Variants in ARHGEF4 observed in about 807,000 individuals in gnomAD.
The protein encoded by ARHGEF4 is Rho guanine nucleotide exchange factor 4.
Under a neutral mutation model 162.0 loss-of-function variants are expected in ARHGEF4, and 119 were observed. The observed-to-expected ratio is 0.73, with a 90% CI of 0.63 to 0.86. The LOEUF (loss-of-function observed/expected upper bound fraction) is 0.86, where lower values mean the gene tolerates loss of function less well. Ranked by LOEUF, ARHGEF4 falls within the 40% of genes least tolerant of loss-of-function variation. The probability of loss-of-function intolerance (pLI) is 0.00; values close to 1 mark genes in which losing one functional copy is unlikely to be tolerated. For synonymous variants in ARHGEF4, 1,014 were observed against 979.9 expected (o/e 1.03, Z -0.65); for missense variants, 2,488 against 2,456.0 (o/e 1.01, Z -0.28).
In ARHGEF4 at chr2:131,002,709, C is replaced by CAA. The variant is rs66979991; in HGVS notation, c.3986-25205_3986-25204dup. Among the ~76,000 whole-genome samples the CAA allele has an allele frequency of 3.2e-3, 173 of 53,248 alleles. 1 individual carries two copies. The highest frequency in any genetic ancestry group is 0.014 in the East Asian group (19 of 1,386). 34.9% of individuals were successfully genotyped at this position (53,248 alleles called of 152,430 possible). ...TGGGCGACAGAGCGAGACTCCGTCT[C>CAA]AAAAAAAAAAAAAAAAAAAAAAAAA... On this transcript the variant is annotated intron_variant, in intron 4 of 13. Transcript: ENST00000409359.
chr2:130,946,794 C>A (rs902264296), intron 4 of ARHGEF4, 159 bp downstream of exon 4: 27 of 982,988 alleles, frequency 2.7e-5, no homozygotes, highest in Middle Eastern at 3.5e-4. Flanking sequence ...GGGAGGAGTG[C>A]CTACTACCCA....
chr2:130,860,664 C>G (rs1208675154), intron 1 of ARHGEF4, among the ~76,000 whole-genome samples: 3 of 118,448 alleles, frequency 2.5e-5, no homozygotes, highest in Admixed American at 9.0e-5. Flanking sequence ...GAGCCGAGAT[C>G]GCGTCACTGC....
chr2:130,975,799 C>T (rs1471134725), intron 4 of ARHGEF4, among the ~76,000 whole-genome samples: 1 of 152,176 alleles, frequency 6.6e-6, no homozygotes, highest in African/African-American at 2.4e-5. Flanking sequence ...CTCTGAGAGT[C>T]ATTGCTTGGC....
At chr2:130,990,723 C>G (rs76074581) in intron 4 of ARHGEF4, among the ~76,000 whole-genome samples, 1 of 152,084 alleles carries the variant, frequency 6.6e-6, no homozygotes. Context: ...CACTTGGGAA[C>G]AGATTGGGAC....
rs1050307461 is a variant in ARHGEF4, at chr2:130,837,357, G to A, written c.39+365G>A. 3.9e-5 allele frequency: 13 copies of A among 335,026 alleles called. No homozygotes were observed. The South Asian group carries it at 3.9e-4, about 10-fold the overall frequency. 20.8% of individuals were successfully genotyped at this position (335,026 alleles called of 1,614,324 possible). ...TGCCTGGACCGGCCTGGGCGCGCAG[G>A]GCACTCGGAGCCTCTGCCGCTTGGC... On this transcript the variant is annotated intron_variant, in intron 1 of 13. Transcript: ENST00000409359.
chr2:130,847,411 C>T lies in ARHGEF4; in HGVS notation c.39+10419C>T, dbSNP rs191074172. On this transcript the variant is annotated intron_variant, in intron 1 of 13. Transcript: ENST00000409359. ...GGAAGACAGGAGGTTTCAGTCACCA[C>T]GTTGGACTTGGAGGCACCAAAAGAT... is the stretch of plus-strand genomic sequence containing the variant. Among the ~76,000 whole-genome samples, 17 of 152,302 alleles carry T rather than the reference C, an allele frequency of 1.1e-4. 1 individual carries two copies. The East Asian group carries it at 2.1e-3, about 19-fold the overall frequency.
At chr2:131,002,150 G>A (rs982038840) in intron 4 of ARHGEF4, among the ~76,000 whole-genome samples, 5 of 152,176 alleles carry the variant, frequency 3.3e-5, no homozygotes, top group East Asian at 3.8e-4. Context: ...TAAACAAGGT[G>A]CACGCAATGC....
chr2:131,007,010 C>T (rs1005945766), intron 4 of ARHGEF4, among the ~76,000 whole-genome samples: 27 of 152,162 alleles, frequency 1.8e-4, no homozygotes, highest in Admixed American at 1.2e-3. Flanking sequence ...CATACATCTT[C>T]CACCAAAATA....
intron 1 of ARHGEF4, among the ~76,000 whole-genome samples, chr2:130,868,155 G>T (rs1009483085): frequency 6.6e-6 from 1 of 151,876 alleles, no homozygotes; most frequent in Non-Finnish European, 1.5e-5. Flanking sequence ...TCGATCTCCC[G>T]ACGTCGTGAT....
intron 1 of ARHGEF4, among the ~76,000 whole-genome samples, chr2:130,874,751 T>G (rs981973024): frequency 6.6e-6 from 1 of 152,152 alleles, no homozygotes; most frequent in African/African-American, 2.4e-5. Context: ...ACAGCATTGG[T>G]CATGCCCTTC....
chr2:130,950,390 C>T (rs1306623401), intron 4 of ARHGEF4, among the ~76,000 whole-genome samples: 2 of 152,048 alleles, frequency 1.3e-5, no homozygotes, highest in Non-Finnish European at 2.9e-5. Context: ...CTCCAGAGTT[C>T]GTGCCTGTGG....
intron 5 of ARHGEF4, chr2:131,034,960 G>C (rs1456267317): frequency 1.0e-6 from 1 of 983,942 alleles, no homozygotes; most frequent in East Asian, 1.1e-4. Context: ...CCGCGCGCAC[G>C]GCGCCGGCTT....
At chr2:130,930,190 C>T (rs899378078) in intron 2 of ARHGEF4, among the ~76,000 whole-genome samples, 50 of 152,280 alleles carry the variant, frequency 3.3e-4, no homozygotes, top group African/African-American at 1.2e-3. Context: ...ACTTGAAATA[C>T]TTAAAAGAAA....
chr2:130,845,856 C>T (rs960630815), intron 1 of ARHGEF4, among the ~76,000 whole-genome samples: 6 of 152,216 alleles, frequency 3.9e-5, no homozygotes, highest in African/African-American at 7.2e-5. Context: ...GCCAGACCTA[C>T]GGTGTGATCC....
In ARHGEF4 at chr2:130,986,023, G is replaced by A. The variant is rs371736866; in HGVS notation, c.3985+39388G>A. 1.4e-4 allele frequency among the ~76,000 whole-genome samples: 21 copies of A among 151,464 alleles called. No homozygotes were observed. In the East Asian group the frequency reaches 1.5e-3, roughly 11 times the overall value. On this transcript the variant is annotated intron_variant, in intron 4 of 13. Transcript: ENST00000409359. ...TGAACATGTATGATGTGTGTTGTGC[G>A]TGCATGTTTTGTGTGTTATGTATAG...
chr2:131,020,927 C>A (rs1689084468), intron 4 of ARHGEF4, among the ~76,000 whole-genome samples: 1 of 152,164 alleles, frequency 6.6e-6, no homozygotes, highest in Non-Finnish European at 1.5e-5. Context: ...ATTTGCATTT[C>A]TCTGATGGCC....
At position 131,046,151 on chromosome 2, in the gene ARHGEF4, T is replaced by C; in HGVS notation, c.5593T>C (p.Trp1865Arg). Residue 1865 changes from tryptophan to arginine, a missense_variant, in exon 14 of 14, where the codon TGG becomes CGG. This residue lies in a region of ARHGEF4 where 415 missense variants were observed against 512.4 expected (regional missense o/e 0.81). Transcript: ENST00000409359. Reference sequence around the variant, plus strand: ...GCCCAGGCGCAAGCCATCTACCTTCTGGCACAGCATCAGCCGGCTGGCACC... The same window carrying C: ...GCCCAGGCGCAAGCCATCTACCTTCCGGCACAGCATCAGCCGGCTGGCACC... Reference protein sequence around the residue: ...AEPRRKPSTFWHSISRLAPFR... With the variant: ...AEPRRKPSTFRHSISRLAPFR... The C allele has an allele frequency of 6.2e-7, 1 of 1,613,024 alleles. No homozygotes were observed. The highest frequency in any genetic ancestry group is 8.5e-7 in the Non-Finnish European group (1 of 1,179,846).
chr2:130,986,372 C>G (rs1400161477), intron 4 of ARHGEF4, among the ~76,000 whole-genome samples: 1 of 152,152 alleles, frequency 6.6e-6, no homozygotes, highest in East Asian at 1.9e-4. Flanking sequence ...CTGCCCTGGC[C>G]TGGAGGCACA....
chr2:131,034,586 C>T (rs1161137801), intron 5 of ARHGEF4, among the ~76,000 whole-genome samples: 2 of 152,220 alleles, frequency 1.3e-5, no homozygotes, highest in Non-Finnish European at 1.5e-5. Flanking sequence ...TTCAGAGCCA[C>T]GTTTACTCAT....
Sources: allele counts gnomAD v4.1 joint callset (sites outside exome capture counted in the v4.1 genomes callset), GRCh38; gene constraint gnomAD v4.1.1; regional missense constraint gnomAD v4.1.1; transcripts MANE v1.5; gene names NCBI Gene and HGNC (gene_info 2026-07-23, HGNC 2026-07-21).